Variants in UBE2D2 observed in about 807,000 individuals in gnomAD.
The protein encoded by UBE2D2 is ubiquitin-conjugating enzyme E2 D2.
UBE2D2 carries 2 observed loss-of-function variants against 24.2 expected under a neutral mutation model. That is an observed-to-expected ratio of 0.08 (90% CI 0.03 to 0.26). The LOEUF (loss-of-function observed/expected upper bound fraction) is 0.26. UBE2D2 is among the 10% of genes least tolerant of loss of function. The pLI, the probability that UBE2D2 is intolerant of heterozygous loss-of-function variation, is 1.00. For missense variants in UBE2D2, 44 were observed against 177.6 expected (o/e 0.25, Z 4.28); for synonymous variants, 58 against 56.5 (o/e 1.03, Z -0.12).
Position 139,534,260 on chromosome 5 carries a change from C to T in UBE2D2, c.-64+7648C>T, listed in dbSNP as rs549898257. 1.3e-4 allele frequency among the ~76,000 whole-genome samples: 19 copies of T among 150,782 alleles called. 2 individuals carry two copies. Among genetic ancestry groups the T allele is most frequent in the South Asian group, 4.2e-4 (2 of 4,740 alleles). On this transcript the variant is annotated intron_variant, in intron 1 of 6. Coordinates refer to the UBE2D2 transcript ENST00000511725. ...CCAGCCTGACCAACATGGAGAAAAC[C>T]GGTCTCTACTAAAAATGCAAAATTA...
upstream of UBE2D2, among the ~76,000 whole-genome samples, chr5:139,559,840 C>CTT (rs1408222623): frequency 3.3e-5 from 5 of 152,134 alleles, no homozygotes; most frequent in Non-Finnish European, 7.4e-5. Flanking sequence ...GCAAAATATT[C>CTT]TTTACTATTC....
rs538566022 is a variant in UBE2D2, at chr5:139,626,552, G to A, written c.399-204G>A. Among the ~76,000 whole-genome samples the A allele has an allele frequency of 5.3e-5, 8 of 152,290 alleles. No homozygotes were observed. The East Asian group carries it at 1.2e-3, about 22-fold the overall frequency. ...ATTTAATCAGAACCCTCTATAAGTAGCAATTAAAGGAGACTTTCACATTTT... is the reference window on the plus strand; with the variant it reads ...ATTTAATCAGAACCCTCTATAAGTAACAATTAAAGGAGACTTTCACATTTT... On this transcript the variant is annotated intron_variant, in intron 6 of 6. Coordinates refer to ENST00000398733, the MANE Select transcript of UBE2D2 (RefSeq NM_003339.3).
intron 5 of UBE2D2, among the ~76,000 whole-genome samples, chr5:139,619,124 G>A (rs1016004809): frequency 7.2e-5 from 11 of 152,176 alleles, no homozygotes; most frequent in East Asian, 1.9e-4. Context: ...TACTGGCCAG[G>A]CGCAGTGGCT....
At position 139,549,459 on chromosome 5, in the gene UBE2D2, G is replaced by A. The variant is rs138492996; in HGVS notation, c.-64+22847G>A. On this transcript the variant is annotated intron_variant, in intron 1 of 6. Transcript: ENST00000511725. ...TCCGAGCGGCCGGCTGGCGCCGTGG[G>A]CCCAGGAAGTGAGGGGCTTAGCACC... Among the ~76,000 whole-genome samples the A allele has an allele frequency of 5.8e-3, 884 of 152,346 alleles. 13 individuals carry two copies. Among genetic ancestry groups the A allele is most frequent in the African/African-American group, 0.018 (760 of 41,590 alleles).
chr5:139,560,199 A>AT (rs34150521), upstream of UBE2D2, among the ~76,000 whole-genome samples: 314 of 107,330 alleles, frequency 2.9e-3, 1 homozygote, highest in Middle Eastern at 0.019. Flanking sequence ...ACTCTCGGCT[A>AT]TTTTTTTTTT....
chr5:139,562,000 G>C (rs1753111214), intron 1 of UBE2D2, 185 bp downstream of exon 1: 1 of 940,758 alleles, frequency 1.1e-6, no homozygotes, highest in Non-Finnish European at 1.5e-6. Flanking sequence ...CGCAGCCCGC[G>C]CTTAGGCCGG....
intron 1 of UBE2D2, among the ~76,000 whole-genome samples, chr5:139,533,894 T>G (rs1286107642): frequency 6.6e-6 from 1 of 150,498 alleles, no homozygotes; most frequent in Admixed American, 6.6e-5. Context: ...GCGATTCTCC[T>G]GCCTCAGCCT....
At chr5:139,581,568 C>T (rs562352137) in intron 1 of UBE2D2, among the ~76,000 whole-genome samples, 33 of 151,756 alleles carry the variant, frequency 2.2e-4, no homozygotes, top group African/African-American at 8.0e-4. Flanking sequence ...AATGAGATAT[C>T]TTGGGGATGG....
At chr5:139,585,902 A>G (rs574627640) in intron 1 of UBE2D2, among the ~76,000 whole-genome samples, 1 of 138,164 alleles carries the variant, frequency 7.2e-6, no homozygotes, top group South Asian at 2.3e-4. Context: ...GTGCCACTGC[A>G]CTCCAGCCTG....
At chr5:139,553,195 T>A (rs373096798) in intron 1 of UBE2D2, among the ~76,000 whole-genome samples, 1 of 152,172 alleles carries the variant, frequency 6.6e-6, no homozygotes, top group Non-Finnish European at 1.5e-5. Context: ...ATTTAAAAAC[T>A]ATACCTTACG....
intron 1 of UBE2D2, among the ~76,000 whole-genome samples, chr5:139,553,667 T>C (rs889476742): frequency 1.3e-5 from 2 of 152,196 alleles, no homozygotes; most frequent in African/African-American, 2.4e-5. Context: ...AAATCAATTA[T>C]ATAAGGCCTG....
At chr5:139,623,857 C>T (rs1390714668) in intron 6 of UBE2D2, among the ~76,000 whole-genome samples, 6 of 151,930 alleles carry the variant, frequency 3.9e-5, no homozygotes, top group Admixed American at 1.3e-4. Flanking sequence ...ACGCCAGGTT[C>T]GTTTTTTTTG....
chr5:139,600,107 T>G (rs1754041635), intron 1 of UBE2D2: 4 of 483,632 alleles, frequency 8.3e-6, no homozygotes, highest in Non-Finnish European at 1.5e-5. Context: ...CCATAATACA[T>G]GACACATGTT....
At position 139,584,533 on chromosome 5, in the gene UBE2D2, C is replaced by CTTTTTT. The variant is rs10642044; in HGVS notation, c.25-15829_25-15824dup. Reference sequence around the variant, plus strand: ...ACCTTTTTCTTTTTTCTTTTCTTTTCTTTTTTTTTTTTTTTGAGACAAGAG... The same window carrying CTTTTTT: ...ACCTTTTTCTTTTTTCTTTTCTTTTCTTTTTTTTTTTTTTTTTTTTTGAGACAAGAG... On this transcript the variant is annotated intron_variant, in intron 1 of 6. Transcript: ENST00000398733. Among the ~76,000 whole-genome samples the CTTTTTT allele has an allele frequency of 2.8e-3, 368 of 133,048 alleles. 3 individuals are homozygous for CTTTTTT. Among genetic ancestry groups the CTTTTTT allele is most frequent in the African/African-American group, 8.0e-3 (276 of 34,500 alleles). The allele number at this position is 133,048 out of a possible 152,430, so 87.3% of individuals were successfully genotyped here. A position where few individuals can be genotyped will look rare whatever the true frequency, so the allele number is the denominator to read the frequency against.
At chr5:139,557,761 C>G (rs759673635), upstream of UBE2D2, among the ~76,000 whole-genome samples, 1 of 150,588 alleles carries the variant, frequency 6.6e-6, no homozygotes, top group Non-Finnish European at 1.5e-5. Flanking sequence ...AATAAATAAA[C>G]AAACAAACCA....
chr5:139,583,666 A>G (rs959011615), intron 1 of UBE2D2, among the ~76,000 whole-genome samples: 3 of 152,136 alleles, frequency 2.0e-5, no homozygotes, highest in African/African-American at 7.2e-5. Flanking sequence ...GGAGGCTGAG[A>G]CAGGAGAATT....
At chr5:139,582,882 G>A (rs1753636907) in intron 1 of UBE2D2, among the ~76,000 whole-genome samples, 1 of 151,708 alleles carries the variant, frequency 6.6e-6, no homozygotes, top group African/African-American at 2.4e-5. Flanking sequence ...GTGTTAGCCA[G>A]GATGGTCTTG....
intron 1 of UBE2D2, among the ~76,000 whole-genome samples, chr5:139,593,527 T>A (rs1753896752): frequency 6.6e-6 from 1 of 151,960 alleles, no homozygotes; most frequent in Non-Finnish European, 1.5e-5. Context: ...GTATACATTG[T>A]TATATATACA....
chr5:139,567,181 C>T (rs1292314075), intron 1 of UBE2D2, among the ~76,000 whole-genome samples: 1 of 149,940 alleles, frequency 6.7e-6, no homozygotes, highest in Non-Finnish European at 1.5e-5. Context: ...CTCACTGCAA[C>T]CTCCGCCTCC....
Sources: allele counts gnomAD v4.1 joint callset (sites outside exome capture counted in the v4.1 genomes callset), GRCh38; gene constraint gnomAD v4.1.1; transcripts MANE v1.5; gene names NCBI Gene and HGNC (gene_info 2026-07-23, HGNC 2026-07-21).